Variants in PIAS1 observed in about 807,000 individuals in gnomAD.
The protein encoded by PIAS1 is protein inhibitor of activated STAT 1, also known as E3 SUMO-protein ligase PIAS1.
A neutral mutation model predicts 71.3 loss-of-function variants in PIAS1; 6 were observed. That is an observed-to-expected ratio of 0.08 (90% confidence interval 0.05 to 0.17). The LOEUF (loss-of-function observed/expected upper bound fraction) is 0.17, where lower values mean the gene tolerates loss of function less well. PIAS1 is among the 10% of genes least tolerant of loss of function. The probability of loss-of-function intolerance (pLI) is 1.00; values close to 1 mark genes in which losing one functional copy is unlikely to be tolerated. For synonymous variants in PIAS1, 303 were observed against 292.9 expected, an observed-to-expected ratio of 1.03 and a Z score of -0.35; for missense variants, 555 against 793.6, an observed-to-expected ratio of 0.70 and a Z score of 3.61.
chr15:68,097,579 C>T (rs565969666), intron 2 of PIAS1, among the ~76,000 whole-genome samples: 3 of 152,178 alleles, frequency 2.0e-5, no homozygotes, highest in Non-Finnish European at 2.9e-5. Flanking sequence ...ACTACAGGCA[C>T]GCACCACCAC....
chr15:68,153,438 TGAA>T (rs1393859380), intron 6 of PIAS1, among the ~76,000 whole-genome samples, 149 bp from the exon 7 acceptor site: 1 of 152,190 alleles, frequency 6.6e-6, no homozygotes, highest in Admixed American at 6.5e-5. Context: ...CAGGATTAAA[TGAA>T]TTACTGTTCA....
chr15:68,133,009 T>G (rs979370171), intron 2 of PIAS1, among the ~76,000 whole-genome samples: 2 of 151,700 alleles, frequency 1.3e-5, no homozygotes, highest in African/African-American at 4.8e-5. Context: ...AAAAAGCCAG[T>G]AGCTTTATGT....
intron 2 of PIAS1, among the ~76,000 whole-genome samples, chr15:68,108,166 T>G (rs2092488656): frequency 6.6e-6 from 1 of 152,168 alleles, no homozygotes; most frequent in Admixed American, 6.5e-5. Flanking sequence ...GTGGCAAAAT[T>G]CCATAGATAA....
chr15:68,106,920 A>G (rs944608038), intron 2 of PIAS1, among the ~76,000 whole-genome samples: 2 of 152,168 alleles, frequency 1.3e-5, no homozygotes, highest in Non-Finnish European at 2.9e-5. Context: ...ATGTTGGGTT[A>G]TATTTAGGGG....
At chr15:68,154,563 C>T (rs897116432) in intron 7 of PIAS1, among the ~76,000 whole-genome samples, 1 of 152,176 alleles carries the variant, frequency 6.6e-6, no homozygotes, top group Non-Finnish European at 1.5e-5. Context: ...ATAATAGCAG[C>T]TTTCCTTTTG....
At chr15:68,097,972 A>G (rs761657972) in intron 2 of PIAS1, among the ~76,000 whole-genome samples, 2 of 152,170 alleles carry the variant, frequency 1.3e-5, no homozygotes, top group African/African-American at 4.8e-5. Context: ...TTTTGTTTAC[A>G]TGAGTATAGG....
chr15:68,065,236 A>G (rs1433582715), intron 1 of PIAS1, among the ~76,000 whole-genome samples: 1 of 152,120 alleles, frequency 6.6e-6, no homozygotes, highest in Non-Finnish European at 1.5e-5. Flanking sequence ...AGCAGTGCCT[A>G]ATTTAAAATG....
intron 1 of PIAS1, among the ~76,000 whole-genome samples, chr15:68,065,850 T>C (rs1794706868): frequency 7.1e-6 from 1 of 139,990 alleles, no homozygotes; most frequent in South Asian, 2.4e-4. Context: ...AAATGATCCT[T>C]CCACCTCAGC....
chr15:68,122,728 C>G (rs2092622156), intron 2 of PIAS1, among the ~76,000 whole-genome samples: 1 of 152,030 alleles, frequency 6.6e-6, no homozygotes, highest in East Asian at 1.9e-4. Flanking sequence ...AAGTGGGGAA[C>G]AAATGAAAAT....
chr15:68,166,205 A>G (rs1036623156), intron 8 of PIAS1, among the ~76,000 whole-genome samples: 5 of 152,082 alleles, frequency 3.3e-5, no homozygotes, highest in South Asian at 2.1e-4. Flanking sequence ...AATAAAGCCA[A>G]TTTTTTTCTT....
At chr15:68,179,116 T>C (rs970737808) in intron 11 of PIAS1, among the ~76,000 whole-genome samples, 41 of 152,196 alleles carry the variant, frequency 2.7e-4, no homozygotes, top group African/African-American at 9.9e-4. Flanking sequence ...GACTAGTTGG[T>C]AACTGGAAAC....
intron 1 of PIAS1, among the ~76,000 whole-genome samples, chr15:68,073,133 A>C (rs1385803984): frequency 6.6e-6 from 1 of 152,124 alleles, no homozygotes; most frequent in African/African-American, 2.4e-5. Context: ...CTCCTGCCTC[A>C]GCCTCCTGAG....
chr15:68,162,023 C>T (rs1309377288), intron 7 of PIAS1, among the ~76,000 whole-genome samples: 1 of 151,992 alleles, frequency 6.6e-6, no homozygotes, highest in Non-Finnish European at 1.5e-5. Flanking sequence ...TCACTGCAAC[C>T]TCTGCCTCCC....
At chr15:68,147,178 T>G (rs1156289404) in intron 6 of PIAS1, among the ~76,000 whole-genome samples, 1 of 152,216 alleles carries the variant, frequency 6.6e-6, no homozygotes, top group Non-Finnish European at 1.5e-5. Context: ...TAAGAAATTT[T>G]GTGTACATTG....
At chr15:68,122,300 C>G (rs1483673217) in intron 2 of PIAS1, among the ~76,000 whole-genome samples, 1 of 152,090 alleles carries the variant, frequency 6.6e-6, no homozygotes, top group Non-Finnish European at 1.5e-5. Flanking sequence ...ACAAACAAAA[C>G]CCTTATATCT....
intron 9 of PIAS1, 113 bp from the exon 10 acceptor site, chr15:68,175,524 T>TG: frequency 2.5e-6 from 1 of 394,866 alleles, no homozygotes; most frequent in Non-Finnish European, 4.3e-6. Context: ...GTGACATAAA[T>TG]TAGGCAGCTA....
At chr15:68,176,944 AT>A (rs2093023449) in intron 11 of PIAS1, among the ~76,000 whole-genome samples, 1 of 152,128 alleles carries the variant, frequency 6.6e-6, no homozygotes, top group Non-Finnish European at 1.5e-5. Context: ...AAATGCATAC[AT>A]TGCGCCCCCA....
chr15:68,077,251 T>C (rs986914892), intron 1 of PIAS1, among the ~76,000 whole-genome samples: 4 of 152,196 alleles, frequency 2.6e-5, no homozygotes, highest in East Asian at 1.9e-4. Flanking sequence ...TTAGGTTATA[T>C]TGGTAAAAAT....
chr15:68,127,576 C>A (rs953395396), intron 2 of PIAS1, among the ~76,000 whole-genome samples: 2 of 151,704 alleles, frequency 1.3e-5, no homozygotes, highest in Non-Finnish European at 2.9e-5. Context: ...CTTTTTGTTG[C>A]CCTCCTATTT....
Sources: gnomAD v4.1 joint callset for allele counts (sites outside exome capture counted in the v4.1 genomes callset) on GRCh38, gnomAD v4.1.1 for gene constraint, MANE v1.5 for transcripts, NCBI Gene and HGNC (gene_info 2026-07-23, HGNC 2026-07-21) for gene names.